The following PIAS1 variants were observed in gnomAD, a reference collection of about 807,000 sequenced individuals.
The protein encoded by PIAS1 is E3 SUMO-protein ligase PIAS1.
In PIAS1, 6 loss-of-function variants were observed where a neutral mutation model predicts 71.3. The observed-to-expected ratio is 0.08, with a 90% CI of 0.05 to 0.17. The LOEUF is 0.17. Among genes scored for constraint, PIAS1 ranks in the 10% least tolerant of loss-of-function variants. The pLI is 1.00. For synonymous variants in PIAS1, 303 were observed against 292.9 expected, an observed-to-expected ratio of 1.03 and a Z score of -0.35; for missense variants, 555 against 793.6, an observed-to-expected ratio of 0.70 and a Z score of 3.61.
intron 2 of PIAS1, among the ~76,000 whole-genome samples, chr15:68,129,285 C>A: frequency 6.6e-6 from 1 of 152,008 alleles, no homozygotes; most frequent in Admixed American, 6.6e-5. Context: ...CCAGGCTGCT[C>A]TCAAATTCCT....
intron 11 of PIAS1, among the ~76,000 whole-genome samples, chr15:68,177,278 C>CAAAAAAAAAAAAAAAA (rs3083984): frequency 1.8e-4 from 16 of 90,874 alleles, no homozygotes; most frequent in East Asian, 4.2e-4. Context: ...GACTTTGTCT[C>CAAAAAAAAAAAAAAAA]AAAAAAAAAA....
chr15:68,084,255 C>G (rs1190985848), intron 1 of PIAS1, among the ~76,000 whole-genome samples: 1 of 151,704 alleles, frequency 6.6e-6, no homozygotes, highest in African/African-American at 2.4e-5. Flanking sequence ...CTTTTTTTTT[C>G]TGTAAAATGC....
intron 2 of PIAS1, among the ~76,000 whole-genome samples, chr15:68,117,414 C>CAA (rs2092574349): frequency 6.6e-6 from 1 of 152,152 alleles, no homozygotes; most frequent in African/African-American, 2.4e-5. Context: ...ATATGCAATA[C>CAA]ATTATTGTTA....
At chr15:68,108,526 A>G (rs1024593441) in intron 2 of PIAS1, among the ~76,000 whole-genome samples, 4 of 152,072 alleles carry the variant, frequency 2.6e-5, no homozygotes, top group Admixed American at 6.6e-5. Flanking sequence ...CAAGGCCTTA[A>G]ATAGTAATTA....
rs1245115013 is a variant in PIAS1 at position 68,146,696 on chromosome 15, G to C, written c.824G>C (p.Gly275Ala). 1 of 1,604,660 alleles carries C rather than the reference G, an allele frequency of 6.2e-7. No homozygotes were observed. The highest frequency in any genetic ancestry group is 8.5e-7 in the Non-Finnish European group (1 of 1,174,232). The change falls in exon 6 of 14, where the codon GGA becomes GCA. Residue 275 changes from glycine to alanine, a missense_variant. Physicochemically the swap from Gly to Ala is moderately conservative, Grantham distance 60. Coordinates refer to ENST00000249636, the MANE Select transcript of PIAS1 (RefSeq NM_016166.3). ...TIVVSWTAEIGRNYSMAVYLV... is the reference protein window; with the variant it reads ...TIVVSWTAEIARNYSMAVYLV... Reference sequence around the variant, plus strand: ...GTTGTTTCTTGGACTGCAGAAATTGGAAGAGTAAGTAAATTTTTGTTTCTA... The same window carrying C: ...GTTGTTTCTTGGACTGCAGAAATTGCAAGAGTAAGTAAATTTTTGTTTCTA...
At chr15:68,090,114 A>G (rs150517854) in intron 2 of PIAS1, among the ~76,000 whole-genome samples, 311 of 151,956 alleles carry the variant, frequency 2.0e-3, no homozygotes, top group Non-Finnish European at 3.5e-3. Context: ...TCCTGGACTC[A>G]AGTGATCTTC....
At chr15:68,169,385 A>G (rs1465953393) in intron 8 of PIAS1, among the ~76,000 whole-genome samples, 1 of 152,178 alleles carries the variant, frequency 6.6e-6, no homozygotes, top group Non-Finnish European at 1.5e-5. Context: ...ATCAAATCAT[A>G]AAAAATTGGC....
In PIAS1 at chr15:68,173,887, T is replaced by G. The variant is rs1321430597; in HGVS notation, c.1164T>G (p.Ile388Met). 6.5e-7 allele frequency: 1 copy of G among 1,528,658 alleles called. No individual in the cohort carries two copies. Among genetic ancestry groups the G allele is most frequent in the African/African-American group, 1.4e-5 (1 of 72,888 alleles). The allele number at this position is 1,528,658 out of a possible 1,614,324, so 94.7% of individuals were successfully genotyped here. ...DKKAPYEHLI[I>M]DGLFMEILKY... ...AGGCTCCATATGAACACCTTATTATTGATGGGTATGTTACTTTAAGTGTTT... is the reference window on the plus strand; with the variant it reads ...AGGCTCCATATGAACACCTTATTATGGATGGGTATGTTACTTTAAGTGTTT... The change falls in exon 9 of 14, where the codon ATT becomes ATG. Residue 388 changes from isoleucine (I) to methionine (M), a missense_variant. Ile to Met is a conservative substitution (Grantham distance 10, BLOSUM62 1). Around this residue, in one of 5 missense-constraint regions of PIAS1, gnomAD observed 49 missense variants for 129.2 expected, o/e 0.38. Transcript: ENST00000249636. This position sits in a 1 kb window ranked among gnomAD's most constrained non-coding sequence, Gnocchi z 4.3.
chr15:68,134,609 G>A (rs1254789121), intron 2 of PIAS1, among the ~76,000 whole-genome samples: 1 of 12,532 alleles, frequency 8.0e-5, no homozygotes, highest in African/African-American at 1.3e-4. Context: ...GCGGCTGGCC[G>A]GGCGGGGGGC....
rs1237736785 is a variant in PIAS1 at position 68,075,092 on chromosome 15, T to C, written c.25-11214T>C. Reference sequence around the variant, plus strand: ...TTTCTTTCTTTCTTTTTTTTTTTTTTTTTTTTTTTTTTGAGGCGGAGTCTC... The same window carrying C: ...TTTCTTTCTTTCTTTTTTTTTTTTTCTTTTTTTTTTTTGAGGCGGAGTCTC... On this transcript the variant is annotated intron_variant, in intron 1 of 13. Coordinates refer to ENST00000249636, the MANE Select transcript of PIAS1 (RefSeq NM_016166.3). Among the ~76,000 whole-genome samples, 678 of 140,382 alleles carry C rather than the reference T, an allele frequency of 4.8e-3. 9 individuals carry two copies. Among genetic ancestry groups the C allele is most frequent in the Middle Eastern group, 0.01 (3 of 286 alleles). 92.1% of individuals were successfully genotyped at this position (140,382 alleles called of 152,430 possible). A position where few individuals can be genotyped will look rare whatever the true frequency, so the allele number is the denominator to read the frequency against.
At chr15:68,164,708 T>C in intron 7 of PIAS1, 23 bp from the exon 8 acceptor site, 1 of 1,441,018 alleles carries the variant, frequency 6.9e-7, no homozygotes, top group Admixed American at 1.9e-5. Context: ...TTGCTTTTTT[T>C]CTTCTTCTTC....
At chr15:68,061,359 A>C (rs1159967262) in intron 1 of PIAS1, 1 of 152,020 alleles carries the variant, frequency 6.6e-6, no homozygotes, top group Non-Finnish European at 1.5e-5. Flanking sequence ...AAATTGTGCA[A>C]CTCCTGTTAC....
intron 2 of PIAS1, among the ~76,000 whole-genome samples, chr15:68,115,345 G>GT (rs1360570875): frequency 6.6e-6 from 1 of 151,606 alleles, no homozygotes; most frequent in African/African-American, 2.4e-5. Flanking sequence ...ACTGTAAATG[G>GT]TATTTTTTTT....
intron 6 of PIAS1, among the ~76,000 whole-genome samples, chr15:68,151,707 C>CACACACACACACACAAAA (rs140053964): frequency 7.4e-6 from 1 of 134,408 alleles, no homozygotes; most frequent in Non-Finnish European, 1.6e-5. Flanking sequence ...CACACACACA[C>CACACACACACACACAAAA]AAATTAGCTA....
At chr15:68,168,681 A>T (rs7181874) in intron 8 of PIAS1, among the ~76,000 whole-genome samples, 73,531 of 147,962 alleles carry the variant, frequency 0.5, 18,569 homozygotes, top group Middle Eastern at 0.56. Context: ...TGATTTTTTT[A>T]AAAAAAATCA....
At chr15:68,161,163 A>G (rs1036229560) in intron 7 of PIAS1, among the ~76,000 whole-genome samples, 1 of 152,228 alleles carries the variant, frequency 6.6e-6, no homozygotes, top group Non-Finnish European at 1.5e-5. Flanking sequence ...TTAGTAATGA[A>G]CAATTGGAAA....
chr15:68,102,862 T>G (rs1365003968), intron 2 of PIAS1, among the ~76,000 whole-genome samples: 2 of 152,178 alleles, frequency 1.3e-5, no homozygotes, highest in African/African-American at 4.8e-5. Context: ...TTACTTTGCC[T>G]TATTGCTTTA....
rs1402157756 is a variant in PIAS1 at position 68,178,714 on chromosome 15, T to TA, written c.1481+2061dup. Among the ~76,000 whole-genome samples the TA allele has an allele frequency of 6.6e-6, 1 of 152,158 alleles. No homozygotes were observed. Among genetic ancestry groups the TA allele is most frequent in the Non-Finnish European group, 1.5e-5 (1 of 67,990 alleles). ...TACTTTTGGGCTAAATGCATCATAA[T>TA]ATATATATTTGTTCTGTTCTTTAGA... On this transcript the variant is annotated intron_variant, in intron 11 of 13. Transcript: ENST00000249636. The surrounding 1 kb of genome is among the most constrained non-coding windows in gnomAD (Gnocchi z 4.2).
At chr15:68,157,496 C>T (rs1201271715) in intron 7 of PIAS1, among the ~76,000 whole-genome samples, 2 of 152,166 alleles carry the variant, frequency 1.3e-5, no homozygotes, top group Non-Finnish European at 2.9e-5. Context: ...TATCATTCCA[C>T]TGAAATTGCT....
Sources: gnomAD v4.1 joint callset for allele counts (sites outside exome capture counted in the v4.1 genomes callset) on GRCh38, gnomAD v4.1.1 for gene constraint, gnomAD v4.1.1 regional missense constraint, Gnocchi (gnomAD v3.1) non-coding constraint, MANE v1.5 for transcripts, NCBI Gene and HGNC (gene_info 2026-07-23, HGNC 2026-07-21) for gene names.